GLIS1: variants seen among roughly 807,000 people sequenced by gnomAD.
GLIS1 encodes zinc finger protein GLIS1.
In GLIS1, 24 loss-of-function variants were observed where a neutral mutation model predicts 63.8. The observed-to-expected ratio is 0.38, with a 90% CI of 0.27 to 0.53. GLIS1 has a LOEUF of 0.53. Ranked by LOEUF, GLIS1 falls within the 20% of genes least tolerant of loss-of-function variation. The pLI, the probability that GLIS1 is intolerant of heterozygous loss-of-function variation, is 0.85. For missense variants in GLIS1, 1,036 were observed against 1,074.1 expected (o/e 0.96, Z 0.50); for synonymous variants, 450 against 482.5 (o/e 0.93, Z 0.88).
rs1348997780 is a variant in GLIS1, at chr1:53,594,210, G to A, written c.1218C>T (p.Cys406=). 1.2e-6 allele frequency: 2 copies of A among 1,613,976 alleles called. No individual in the cohort carries two copies. Among genetic ancestry groups the A allele is most frequent in the Non-Finnish European group, 1.7e-6 (2 of 1,179,990 alleles). The change falls in exon 4 of 11, where the codon TGC becomes TGT. Residue 406 remains cysteine (C), a synonymous_variant. Coordinates refer to ENST00000628545, the MANE Select transcript of GLIS1 (RefSeq NM_001367484.1). ...IDQRKGEDFT[C]FWAGCVRRYK... is the part of the protein sequence containing the mutation. ...AGCGGCGCACGCAGCCAGCCCAGAA[G>A]CAGGTGAAGTCCTCGCCCTTGCGCT...
chr1:53,542,067 G>A (rs1017261396), intron 4 of GLIS1, among the ~76,000 whole-genome samples: 6 of 152,244 alleles, frequency 3.9e-5, no homozygotes, highest in Non-Finnish European at 7.3e-5. Flanking sequence ...GGGAGCCACT[G>A]CCTCCTCCCC....
intron 4 of GLIS1, among the ~76,000 whole-genome samples, chr1:53,564,775 G>T (rs1206022907): frequency 1.3e-5 from 2 of 151,970 alleles, no homozygotes; most frequent in Non-Finnish European, 2.9e-5. Context: ...AATAATAAAA[G>T]TTTTCATTTT....
intron 2 of GLIS1, among the ~76,000 whole-genome samples, chr1:53,737,547 A>C (rs928206188): frequency 3.3e-5 from 5 of 152,268 alleles, no homozygotes; most frequent in African/African-American, 1.2e-4. Context: ...AAGCTTTATC[A>C]GAAACACACA....
intron 2 of GLIS1, among the ~76,000 whole-genome samples, chr1:53,735,629 T>C (rs961848623): frequency 6.6e-6 from 1 of 152,174 alleles, no homozygotes; most frequent in Non-Finnish European, 1.5e-5. Flanking sequence ...CCACAGATCA[T>C]AGATGGTGGG....
chr1:53,586,259 A>G (rs1205714500), intron 4 of GLIS1, among the ~76,000 whole-genome samples: 1 of 150,922 alleles, frequency 6.6e-6, no homozygotes, highest in Non-Finnish European at 1.5e-5. Context: ...CCTCGGGCTC[A>G]AGAGAAGAAA....
intron 2 of GLIS1, among the ~76,000 whole-genome samples, chr1:53,626,345 G>A (rs958254595): frequency 2.0e-5 from 3 of 152,086 alleles, no homozygotes; most frequent in Non-Finnish European, 2.9e-5. Flanking sequence ...GTCTGTCCTC[G>A]AGAGCCAGCA....
chr1:53,598,067 C>T lies in GLIS1; in HGVS notation c.437+2034G>A, dbSNP rs1459804681. The stretch of plus-strand genomic sequence containing the variant: ...CATTTGACTGTCACCAAACAATGCA[C>T]GGCTCAAAAACTATAAGACGCTTGC... On this transcript the variant is annotated intron_variant, in intron 3 of 10. Coordinates refer to ENST00000628545, the MANE Select transcript of GLIS1 (RefSeq NM_001367484.1). The surrounding 1 kb of genome is among the most constrained non-coding windows in gnomAD (Gnocchi z 4.6). Among the ~76,000 whole-genome samples the T allele has an allele frequency of 9.9e-5, 15 of 152,166 alleles. No individual in the cohort carries two copies. Among genetic ancestry groups the T allele is most frequent in the South Asian group, 2.1e-4 (1 of 4,832 alleles).
chr1:53,634,838 G>A (rs1442385339), intron 2 of GLIS1, among the ~76,000 whole-genome samples: 1 of 152,084 alleles, frequency 6.6e-6, no homozygotes, highest in Non-Finnish European at 1.5e-5. Flanking sequence ...ACGAATAAAC[G>A]CTTCCCCTTG....
At chr1:53,628,873 G>A (rs911995037) in intron 2 of GLIS1, among the ~76,000 whole-genome samples, 8 of 152,270 alleles carry the variant, frequency 5.3e-5, no homozygotes, top group Admixed American at 4.6e-4. Flanking sequence ...CCTGGGCACA[G>A]GACAGAATCC....
chr1:53,620,594 G>A (rs1044483890), intron 2 of GLIS1, among the ~76,000 whole-genome samples: 12 of 152,234 alleles, frequency 7.9e-5, no homozygotes, highest in Non-Finnish European at 1.5e-4. Context: ...TGTGGCAGAC[G>A]CAGCTCCAGG....
intron 2 of GLIS1, among the ~76,000 whole-genome samples, chr1:53,693,233 G>T (rs752961358): frequency 1.3e-5 from 2 of 152,178 alleles, no homozygotes; most frequent in African/African-American, 2.4e-5. Context: ...GGAAACTGAC[G>T]CAGAGAAGGG....
At chr1:53,517,908 G>A (rs1001907941) in intron 7 of GLIS1, among the ~76,000 whole-genome samples, 2 of 152,214 alleles carry the variant, frequency 1.3e-5, no homozygotes, top group South Asian at 2.1e-4. Context: ...CCATGTCAGC[G>A]AACAGCAGAT....
intron 3 of GLIS1, among the ~76,000 whole-genome samples, chr1:53,599,881 T>C (rs189153306): frequency 7.5e-4 from 115 of 152,386 alleles, no homozygotes; most frequent in Non-Finnish European, 8.1e-4. Flanking sequence ...CTTCGTCTGC[T>C]TGTTCAGCAG....
chr1:53,653,794 G>A (rs894871099), intron 2 of GLIS1, among the ~76,000 whole-genome samples: 8 of 152,122 alleles, frequency 5.3e-5, no homozygotes, highest in Non-Finnish European at 1.5e-5. Context: ...CCCAGTCACT[G>A]GCCCTCCACC....
chr1:53,587,718 A>T (rs1000452138), intron 4 of GLIS1, among the ~76,000 whole-genome samples: 4 of 152,132 alleles, frequency 2.6e-5, no homozygotes, highest in Non-Finnish European at 5.9e-5. Context: ...TGCAATATCC[A>T]TTTACTTCCC....
chr1:53,712,244 G>C (rs1570091187), intron 2 of GLIS1, among the ~76,000 whole-genome samples: 1 of 152,210 alleles, frequency 6.6e-6, no homozygotes, highest in East Asian at 1.9e-4. Context: ...ACATGCACAG[G>C]AATCACCCAG....
intron 2 of GLIS1, among the ~76,000 whole-genome samples, chr1:53,732,065 A>G (rs1646867057): frequency 6.6e-6 from 1 of 152,226 alleles, no homozygotes; most frequent in Non-Finnish European, 1.5e-5. Context: ...ACCACCAAAT[A>G]AATTCAGGCC....
At chr1:53,515,923 C>T (rs556579374) in intron 7 of GLIS1, among the ~76,000 whole-genome samples, 2 of 151,922 alleles carry the variant, frequency 1.3e-5, no homozygotes, top group East Asian at 1.9e-4. Context: ...CTGGCTTCTC[C>T]GGGGCTCATC....
At chr1:53,543,735 T>C (rs1644668680) in intron 4 of GLIS1, among the ~76,000 whole-genome samples, 1 of 151,400 alleles carries the variant, frequency 6.6e-6, no homozygotes, top group African/African-American at 2.4e-5. Context: ...GGTTGGAAAG[T>C]TCTGGAAGGG....
Sources: gnomAD v4.1 joint callset for allele counts (sites outside exome capture counted in the v4.1 genomes callset) on GRCh38, gnomAD v4.1.1 for gene constraint, Gnocchi (gnomAD v3.1) non-coding constraint, MANE v1.5 for transcripts, NCBI Gene and HGNC (gene_info 2026-07-23, HGNC 2026-07-21) for gene names.